Variants in CFAP92 observed in about 807,000 individuals in gnomAD.
CFAP92 encodes the protein uncharacterized protein CFAP92.
CFAP92 carries 86 observed loss-of-function variants against 106.3 expected under a neutral mutation model. That is an observed-to-expected ratio of 0.81 (90% CI 0.68 to 0.97). The LOEUF (loss-of-function observed/expected upper bound fraction) is 0.97. Among genes scored for constraint, CFAP92 ranks in the 50% least tolerant of loss-of-function variants. The pLI is 0.00. For synonymous variants in CFAP92, 477 were observed against 506.4 expected, an observed-to-expected ratio of 0.94 and a Z score of 0.78; for missense variants, 1,204 against 1,283.8, an observed-to-expected ratio of 0.94 and a Z score of 0.95.
intron 10 of CFAP92, among the ~76,000 whole-genome samples, chr3:128,936,048 AC>A (rs1193871056): frequency 1.3e-5 from 2 of 151,214 alleles, no homozygotes; most frequent in Admixed American, 6.6e-5. Context: ...TGCCTGTCTC[AC>A]CCCCCTTCCT....
chr3:128,975,442 TGG>T (rs1943086983), intron 7 of CFAP92, among the ~76,000 whole-genome samples: 1 of 76,582 alleles, frequency 1.3e-5, no homozygotes, highest in African/African-American at 6.6e-5. Context: ...GATGGATGGA[TGG>T]ATGGATGGAT....
rs73865525 is a variant in CFAP92, at chr3:128,988,764, T to C, written c.417A>G (p.Pro139=). The change falls in exon 3 of 16, where the codon CCA becomes CCG. Residue 139 remains proline (P), a synonymous_variant. Transcript: ENST00000645291. ...EPKKVDILLF[P]MVAKVFLESG... ...ACTCCAGGAATACTTTGGCCACCAT[T>C]GGAAATAGCAATATGTCAACTTTTT... 6,120 of 1,613,926 alleles carry C rather than the reference T, an allele frequency of 3.8e-3. 163 individuals carry two copies. The African/African-American group carries it at 0.064, about 17-fold the overall frequency.
the CFAP92 span, among the ~76,000 whole-genome samples, chr3:129,007,746 C>T: frequency 6.6e-6 from 1 of 152,212 alleles, no homozygotes; most frequent in African/African-American, 2.4e-5. Flanking sequence ...TGTGCTGCCA[C>T]TTTCCTAAAA....
intron 10 of CFAP92, among the ~76,000 whole-genome samples, chr3:128,936,348 G>A (rs1939019877): frequency 6.6e-6 from 1 of 152,134 alleles, no homozygotes; most frequent in South Asian, 2.1e-4. Flanking sequence ...TTGATTCACA[G>A]GACTTTAAAA....
At chr3:128,915,057 C>G in intron 15 of CFAP92, 62 bp downstream of exon 15, 1 of 1,491,326 alleles carries the variant, frequency 6.7e-7, no homozygotes, top group Non-Finnish European at 9.0e-7. Flanking sequence ...TGCAGAGTGG[C>G]ACAGAGCTCC....
chr3:128,964,981 C>G (rs1942261505), intron 9 of CFAP92, among the ~76,000 whole-genome samples: 1 of 152,236 alleles, frequency 6.6e-6, no homozygotes, highest in Non-Finnish European at 1.5e-5. Context: ...TGAGCCCAGG[C>G]CAGGCCATCA....
intron 4 of CFAP92, among the ~76,000 whole-genome samples, chr3:128,981,428 T>C (rs1488582172): frequency 1.3e-5 from 2 of 151,800 alleles, no homozygotes; most frequent in Non-Finnish European, 2.9e-5. Context: ...CCTCCCAGGT[T>C]CAAGCAATTC....
chr3:128,915,658 A>C (rs749563781), intron 13 of CFAP92, 95 bp from the exon 14 acceptor site: 3 of 792,398 alleles, frequency 3.8e-6, no homozygotes, highest in Non-Finnish European at 5.9e-6. Context: ...GGGCATAATC[A>C]TAGTTCCTGA....
At chr3:128,912,220 G>C (rs546425031) in intron 15 of CFAP92, among the ~76,000 whole-genome samples, 1 of 152,302 alleles carries the variant, frequency 6.6e-6, no homozygotes, top group East Asian at 1.9e-4. Context: ...TCCTCCAGTG[G>C]GCTGGAATCA....
Position 128,909,950 on chromosome 3 carries a change from A to G in CFAP92, c.*349T>C. On this transcript the variant is annotated 3_prime_UTR_variant, in exon 16 of 16. Transcript: ENST00000645291. The stretch of plus-strand genomic sequence containing the variant: ...AGGAGACTAAGACAGGCAAAGATGC[A>G]GCCCAGGGAGGGACCATGTGGGGGA... 1 of 1,591,062 alleles carries G rather than the reference A, an allele frequency of 6.3e-7. No homozygotes were observed. The highest frequency in any genetic ancestry group is 8.6e-7 in the Non-Finnish European group (1 of 1,168,894).
At position 128,953,816 on chromosome 3, in the gene CFAP92, G is replaced by C. The variant is rs375064744; in HGVS notation, c.1354-7841C>G. On this transcript the variant is annotated intron_variant, in intron 9 of 15. Coordinates refer to ENST00000645291, the MANE Select transcript of CFAP92 (RefSeq NM_001394090.1). Reference sequence around the variant, plus strand: ...GAGACGGGGTTTCGCTGTGTTGGCCGGGCCGGTCTCCAGCCCCTAACCGCG... The same window carrying C: ...GAGACGGGGTTTCGCTGTGTTGGCCCGGCCGGTCTCCAGCCCCTAACCGCG... Among the ~76,000 whole-genome samples the C allele has an allele frequency of 9.1e-5, 11 of 121,482 alleles. 1 individual carries two copies. Among genetic ancestry groups the C allele is most frequent in the African/African-American group, 3.8e-4 (8 of 21,090 alleles). 79.7% of individuals were successfully genotyped at this position (121,482 alleles called of 152,430 possible).
At position 128,945,809 on chromosome 3, in the gene CFAP92, A is replaced by AT; in HGVS notation, c.1519dup (p.Met507AsnfsTer48). ...GTCCCGGTCGTGAACTTCCACCACC[A>AT]TGGGGGGGCCCTCCAGGTATTCCCT... On this transcript the variant is annotated frameshift_variant, in exon 10 of 16. Transcript: ENST00000645291. LOFTEE classifies it high-confidence loss of function. 6.6e-7 allele frequency: 1 copy of AT among 1,524,104 alleles called. No individual in the cohort carries two copies. Among genetic ancestry groups the AT allele is most frequent in the Non-Finnish European group, 8.8e-7 (1 of 1,141,320 alleles). The allele number at this position is 1,524,104 out of a possible 1,614,324, so 94.4% of individuals were successfully genotyped here.
chr3:128,975,962 G>A, intron 6 of CFAP92, 59 bp from the exon 7 acceptor site: 2 of 1,529,986 alleles, frequency 1.3e-6, no homozygotes, highest in Non-Finnish European at 1.8e-6. Flanking sequence ...GGCCAGATCT[G>A]AGAATCTATT....
Position 128,945,533 on chromosome 3 carries a change from T to C in CFAP92, c.1796A>G (p.Asp599Gly). 1 of 1,536,140 alleles carries C rather than the reference T, an allele frequency of 6.5e-7. No homozygotes were observed. The highest frequency in any genetic ancestry group is 1.2e-5 in the South Asian group (1 of 84,060). ...CEVQPTHCGQ[D>G]SRRRKVVGLG... ...CCCCACAACCTTCCTTCTCCTGCTGTCCTGGCCGCAGTGTGTGGGCTGAAC... is the reference window on the plus strand; with the variant it reads ...CCCCACAACCTTCCTTCTCCTGCTGCCCTGGCCGCAGTGTGTGGGCTGAAC... The change falls in exon 10 of 16, where the codon GAC becomes GGC. Residue 599 changes from aspartate (D) to glycine (G), a missense_variant. Coordinates refer to ENST00000645291, the MANE Select transcript of CFAP92 (RefSeq NM_001394090.1).
intron 4 of CFAP92, among the ~76,000 whole-genome samples, chr3:128,979,635 T>C (rs1184708496): frequency 2.0e-5 from 3 of 152,152 alleles, no homozygotes; most frequent in Admixed American, 1.3e-4. Flanking sequence ...GATGAGTTCA[T>C]GTCCTTTGTA....
chr3:128,987,681 T>TAA lies in CFAP92; in HGVS notation c.601_602insTT (p.Lys201IlefsTer8). ...AGTCTTTAATCGGTAATATCTGACT[T>TAA]TTCTTGACATCTTGTCTTTAGTGTT... On this transcript the variant is annotated frameshift_variant, in exon 4 of 16. Transcript: ENST00000645291. LOFTEE classifies it high-confidence loss of function. 1.2e-6 allele frequency: 2 copies of TAA among 1,614,062 alleles called. No individual in the cohort carries two copies. Among genetic ancestry groups the TAA allele is most frequent in the South Asian group, 2.2e-5 (2 of 91,086 alleles).
the CFAP92 span, among the ~76,000 whole-genome samples, chr3:129,026,164 T>A: frequency 6.6e-6 from 1 of 152,226 alleles, no homozygotes; most frequent in Non-Finnish European, 1.5e-5. Context: ...TTAGTTGGTA[T>A]TGTCGTTGCT....
intron 12 of CFAP92, among the ~76,000 whole-genome samples, chr3:128,922,295 A>G (rs1030124755): frequency 6.6e-6 from 1 of 151,914 alleles, no homozygotes; most frequent in African/African-American, 2.4e-5. Flanking sequence ...GTGAGTCAAG[A>G]TCGTGCCACT....
In CFAP92 at chr3:128,999,899, C is replaced by T. The variant is rs567256480; in HGVS notation, n.117+2675G>A. Among the ~76,000 whole-genome samples, 28 of 152,374 alleles carry T rather than the reference C, an allele frequency of 1.8e-4. No homozygotes were observed. The South Asian group carries it at 5.8e-3, about 32-fold the overall frequency. ...AAAAGGGAAATACTGCAGTGTCTCC[C>T]ATCTGCAGAAAGAACCACTGAATCC... On this transcript the variant is annotated intron_variant and non_coding_transcript_variant, in intron 1 of 4. Coordinates refer to the CFAP92 transcript ENST00000510149.
Sources: allele counts gnomAD v4.1 joint callset (sites outside exome capture counted in the v4.1 genomes callset), GRCh38; gene constraint gnomAD v4.1.1; transcripts MANE v1.5; gene names NCBI Gene and HGNC (gene_info 2026-07-23, HGNC 2026-07-21).